Variants in STAM observed in about 807,000 individuals in gnomAD.
STAM encodes signal transducing adapter molecule 1.
In STAM, 16 loss-of-function variants were observed where a neutral mutation model predicts 63.4. The observed-to-expected ratio is 0.25, with a 90% CI of 0.17 to 0.38. The LOEUF is 0.38. Ranked by LOEUF, STAM falls within the 10% of genes least tolerant of loss-of-function variation. The probability of loss-of-function intolerance (pLI) is 1.00; values close to 1 mark genes in which losing one functional copy is unlikely to be tolerated. For missense variants in STAM, 636 were observed against 657.1 expected (o/e 0.97, Z 0.35); for synonymous variants, 238 against 223.9 (o/e 1.06, Z -0.56).
At chr10:17,658,347 C>A (rs1834025876) in intron 1 of STAM, among the ~76,000 whole-genome samples, 2 of 151,702 alleles carry the variant, frequency 1.3e-5, no homozygotes, top group Non-Finnish European at 1.5e-5. Flanking sequence ...GTTTTATGAC[C>A]CAGAAGGTGG....
Position 17,690,822 on chromosome 10 carries a change from A to G in STAM, c.445-2400A>G, listed in dbSNP as rs7899184. Among the ~76,000 whole-genome samples the G allele has an allele frequency of 5.3e-3, 800 of 152,346 alleles. 12 individuals carry two copies. Among genetic ancestry groups the G allele is most frequent in the African/African-American group, 0.019 (775 of 41,580 alleles). ...TAGCACTAACTTTTGATGTAAAGAT[A>G]GAAGTAGGCTAGCAGCACCGCTACC... is the stretch of plus-strand genomic sequence containing the variant. On this transcript the variant is annotated intron_variant, in intron 5 of 13. Coordinates refer to ENST00000377524, the MANE Select transcript of STAM (RefSeq NM_003473.4).
At chr10:17,650,265 AT>A (rs1833684981) in intron 1 of STAM, among the ~76,000 whole-genome samples, 1 of 152,226 alleles carries the variant, frequency 6.6e-6, no homozygotes, top group Admixed American at 6.5e-5. Flanking sequence ...TTGGATAGGT[AT>A]AGGACCCCTT....
intron 1 of STAM, among the ~76,000 whole-genome samples, chr10:17,648,667 A>C (rs192672644): frequency 9.2e-5 from 14 of 152,262 alleles, no homozygotes; most frequent in Admixed American, 5.9e-4. Context: ...ACCTTACTTC[A>C]GTCATTGTTA....
chr10:17,654,024 C>T (rs1418236781), intron 1 of STAM, among the ~76,000 whole-genome samples: 2 of 151,962 alleles, frequency 1.3e-5, no homozygotes, highest in Non-Finnish European at 2.9e-5. Flanking sequence ...GCCTGGGGAC[C>T]CCAGAGCTTG....
intron 12 of STAM, among the ~76,000 whole-genome samples, chr10:17,706,628 C>A (rs1836294693): frequency 6.6e-6 from 1 of 152,064 alleles, no homozygotes; most frequent in Non-Finnish European, 1.5e-5. Context: ...ATCCACCCGC[C>A]TCGGCCTCCC....
At chr10:17,700,105 C>T in intron 8 of STAM, 86 bp from the exon 9 acceptor site, 1 of 1,135,122 alleles carries the variant, frequency 8.8e-7, no homozygotes, top group South Asian at 1.7e-5. Flanking sequence ...AAGAAAAATC[C>T]CCAAATCTCT....
rs79056392 is a variant in STAM at position 17,691,963 on chromosome 10, A to C, written c.445-1259A>C. Among the ~76,000 whole-genome samples, 56 of 152,330 alleles carry C rather than the reference A, an allele frequency of 3.7e-4. 1 individual carries two copies. In the East Asian group the frequency reaches 0.011, roughly 29 times the overall value. On this transcript the variant is annotated intron_variant, in intron 5 of 13. Transcript: ENST00000377524. ...TAGTTGTCATGTGTATTACCTCTAC[A>C]TACGTTATAAGCCCCGGAGGTAATG...
intron 2 of STAM, among the ~76,000 whole-genome samples, chr10:17,662,452 A>G (rs1476678819): frequency 2.6e-5 from 4 of 151,992 alleles, no homozygotes; most frequent in African/African-American, 9.7e-5. Flanking sequence ...TCCTCAAAGC[A>G]CTCTATCAAA....
At chr10:17,647,525 A>G (rs1401297765) in intron 1 of STAM, among the ~76,000 whole-genome samples, 1 of 150,482 alleles carries the variant, frequency 6.6e-6, no homozygotes, top group Non-Finnish European at 1.5e-5. Flanking sequence ...CCCTTAGAGT[A>G]TTAGGAAGCA....
intron 9 of STAM, among the ~76,000 whole-genome samples, chr10:17,700,827 A>G (rs1222089141): frequency 1.3e-5 from 2 of 152,208 alleles, no homozygotes; most frequent in Admixed American, 6.5e-5. Context: ...TTGACTATCT[A>G]TTGAAACAAA....
intron 1 of STAM, among the ~76,000 whole-genome samples, chr10:17,658,259 A>C (rs1171781429): frequency 6.6e-6 from 1 of 151,652 alleles, no homozygotes; most frequent in East Asian, 1.9e-4. Context: ...TTTTCCAGCT[A>C]TCTTTCTGTT....
chr10:17,676,280 T>C (rs1034339762), intron 2 of STAM, among the ~76,000 whole-genome samples: 1 of 152,142 alleles, frequency 6.6e-6, no homozygotes, highest in Non-Finnish European at 1.5e-5. Flanking sequence ...TTGAGAGTGG[T>C]ATAATGGGGC....
At chr10:17,705,129 G>GGA (rs1836201562) in intron 11 of STAM, 105 bp downstream of exon 11, 1 of 879,180 alleles carries the variant, frequency 1.1e-6, no homozygotes, top group African/African-American at 1.7e-5. Flanking sequence ...ATATTGTGGA[G>GGA]GAACCAACTC....
intron 5 of STAM, among the ~76,000 whole-genome samples, chr10:17,690,799 G>A (rs1407196894): frequency 1.3e-5 from 2 of 152,140 alleles, no homozygotes; most frequent in Non-Finnish European, 2.9e-5. Flanking sequence ...AGTTCTGTTA[G>A]CACTAACTTT....
At chr10:17,655,148 C>T (rs985747981) in intron 1 of STAM, among the ~76,000 whole-genome samples, 1 of 152,086 alleles carries the variant, frequency 6.6e-6, no homozygotes, top group Non-Finnish European at 1.5e-5. Context: ...TATTTGAAAC[C>T]CTTTCAATCT....
chr10:17,661,417 T>A (rs1834159956), intron 2 of STAM, among the ~76,000 whole-genome samples: 1 of 152,228 alleles, frequency 6.6e-6, no homozygotes, highest in Non-Finnish European at 1.5e-5. Context: ...CCTGAAACTT[T>A]CCCTGATTCA....
rs782724040 is a variant in STAM, at chr10:17,705,024, G to A, written c.1055G>A (p.Arg352Lys). 1 of 1,612,492 alleles carries A rather than the reference G, an allele frequency of 6.2e-7. No individual in the cohort carries two copies. Among genetic ancestry groups the A allele is most frequent in the Non-Finnish European group, 8.5e-7 (1 of 1,179,084 alleles). Residue 352 changes from arginine (R) to lysine (K), a missense_variant and splice_region_variant, in exon 11 of 14, where the codon AGA becomes AAA. Around this residue, in one of 3 missense-constraint regions of STAM, gnomAD observed 532 missense variants for 536.9 expected, o/e 0.99. Transcript: ENST00000377524. ...LIDEKLEDID[R>K]KHSELSELNV... is the part of the protein sequence containing the mutation. ...GATGAAAAGCTGGAAGATATTGATA[G>A]GTAAAAGAACATGGGTGCATTTATG... is the stretch of plus-strand genomic sequence containing the variant.
At chr10:17,674,828 A>G (rs1223137499) in intron 2 of STAM, among the ~76,000 whole-genome samples, 3 of 152,198 alleles carry the variant, frequency 2.0e-5, no homozygotes, top group African/African-American at 7.2e-5. Context: ...ATAAGTGTTG[A>G]ATCAGAACTT....
At chr10:17,654,486 T>G (rs1477792990) in intron 1 of STAM, among the ~76,000 whole-genome samples, 2 of 152,146 alleles carry the variant, frequency 1.3e-5, no homozygotes, top group Non-Finnish European at 2.9e-5. Context: ...CCTCCCAAAG[T>G]GCTGGGATTA....
Sources: gnomAD v4.1 joint callset for allele counts (sites outside exome capture counted in the v4.1 genomes callset) on GRCh38, gnomAD v4.1.1 for gene constraint, gnomAD v4.1.1 regional missense constraint, MANE v1.5 for transcripts, NCBI Gene and HGNC (gene_info 2026-07-23, HGNC 2026-07-21) for gene names.